IQGAP1: variants seen among roughly 807,000 people sequenced by gnomAD.
IQGAP1 encodes IQ motif containing GTPase activating protein 1.
IQGAP1 carries 66 observed loss-of-function variants against 215.6 expected under a neutral mutation model. That is an observed-to-expected ratio of 0.31 (90% confidence interval 0.25 to 0.38). The LOEUF (loss-of-function observed/expected upper bound fraction) is 0.38, where lower values mean the gene tolerates loss of function less well. IQGAP1 is among the 10% of genes least tolerant of loss of function. The probability of loss-of-function intolerance (pLI) is 1.00; values close to 1 mark genes in which losing one functional copy is unlikely to be tolerated. For synonymous variants in IQGAP1, 772 were observed against 728.7 expected, an observed-to-expected ratio of 1.06 and a Z score of -0.96; for missense variants, 1,712 against 1,997.1, an observed-to-expected ratio of 0.86 and a Z score of 2.72.
rs1965768731 is a variant in IQGAP1 at position 90,461,995 on chromosome 15, A to G, written c.1777-4006A>G. Among the ~76,000 whole-genome samples the G allele has an allele frequency of 2.0e-4, 2 of 10,220 alleles. 1 individual carries two copies. The highest frequency in any genetic ancestry group is 2.9e-3 in the African/African-American group (2 of 678). The allele number at this position is 10,220 out of a possible 152,430, so 6.7% of individuals were successfully genotyped here. A position where few individuals can be genotyped will look rare whatever the true frequency, so the allele number is the denominator to read the frequency against. On this transcript the variant is annotated intron_variant, in intron 15 of 37. Transcript: ENST00000268182. ...TCTACTAAAAACACAAAAAAAAAAA[A>G]AAAAGAAAAAAAAAAAATTAGCCCG... is the stretch of plus-strand genomic sequence containing the variant.
chr15:90,426,405 G>T, intron 3 of IQGAP1, 139 bp downstream of exon 3: 1 of 876,028 alleles, frequency 1.1e-6, no homozygotes, highest in South Asian at 1.9e-5. Flanking sequence ...ATGCCTGGCA[G>T]AATGGAGAAA....
intron 4 of IQGAP1, 101 bp downstream of exon 4, chr15:90,429,767 C>T (rs1442868783): frequency 1.5e-6 from 1 of 668,408 alleles, no homozygotes. Flanking sequence ...TTCTCAGAAT[C>T]TTTGGTGTTT....
At chr15:90,448,767 G>A (rs1268746414) in intron 10 of IQGAP1, 31 bp downstream of exon 10, 2 of 1,494,606 alleles carry the variant, frequency 1.3e-6, no homozygotes, top group African/African-American at 1.4e-5. Context: ...AGCTGCAAGA[G>A]TTTGTATATA....
At chr15:90,420,787 A>T (rs1965122134) in intron 2 of IQGAP1, among the ~76,000 whole-genome samples, 1 of 152,196 alleles carries the variant, frequency 6.6e-6, no homozygotes, top group South Asian at 2.1e-4. Flanking sequence ...CAGTGGTATG[A>T]TCACTGCTCA....
At chr15:90,400,344 T>G (rs753665296) in intron 2 of IQGAP1, among the ~76,000 whole-genome samples, 15 of 152,242 alleles carry the variant, frequency 9.9e-5, no homozygotes, top group African/African-American at 1.4e-4. Context: ...ATTTTTTCCT[T>G]GGTTCTGTTA....
chr15:90,490,902 G>A (rs1000281574), intron 33 of IQGAP1, among the ~76,000 whole-genome samples: 1 of 152,148 alleles, frequency 6.6e-6, no homozygotes, highest in African/African-American at 2.4e-5. Flanking sequence ...TCCACCTCCT[G>A]GGTTCACGCC....
chr15:90,487,602 A>C lies in IQGAP1; in HGVS notation c.4248+20A>C. 1 of 1,535,924 alleles carries C rather than the reference A, an allele frequency of 6.5e-7. No homozygotes were observed. Among genetic ancestry groups the C allele is most frequent in the Non-Finnish European group, 9.0e-7 (1 of 1,109,758 alleles). ...GAACAGGTAAAATTTAGGGTCTAAC[A>C]TACTCCTTTGTTTGGTAGATAAGCT... On this transcript the variant is annotated intron_variant, in intron 33 of 37. Transcript: ENST00000268182.
chr15:90,451,833 CTT>C (rs1000688423), intron 11 of IQGAP1, among the ~76,000 whole-genome samples: 18 of 139,438 alleles, frequency 1.3e-4, no homozygotes, highest in Admixed American at 1.4e-4. Flanking sequence ...TCTGTGTGCC[CTT>C]TTTTTTTTTT....
In IQGAP1 at chr15:90,474,711, C is replaced by T. The variant is rs1555440663; in HGVS notation, c.2784+18C>T. 3.2e-6 allele frequency: 5 copies of T among 1,577,528 alleles called. No homozygotes were observed. The highest frequency in any genetic ancestry group is 4.4e-6 in the Non-Finnish European group (5 of 1,147,290). On this transcript the variant is annotated intron_variant, in intron 23 of 37. Coordinates refer to ENST00000268182, the MANE Select transcript of IQGAP1 (RefSeq NM_003870.4). The stretch of plus-strand genomic sequence containing the variant: ...CGTTGCAGGTATGGCCCAGTGCCAG[C>T]GGGGGCCTTGGAACGGTTCATCCTG...
intron 29 of IQGAP1, 73 bp downstream of exon 29, chr15:90,483,666 A>G: frequency 9.2e-7 from 1 of 1,084,644 alleles, no homozygotes; most frequent in Non-Finnish European, 1.4e-6. Context: ...AAATAAGATT[A>G]AAAACCACCT....
At chr15:90,409,287 G>A (rs1215138653) in intron 2 of IQGAP1, among the ~76,000 whole-genome samples, 1 of 146,680 alleles carries the variant, frequency 6.8e-6, no homozygotes, top group African/African-American at 2.5e-5. Flanking sequence ...ACTCAGGCTG[G>A]AGTGCAGTGG....
At chr15:90,411,598 A>G (rs760449845) in intron 2 of IQGAP1, among the ~76,000 whole-genome samples, 3 of 151,850 alleles carry the variant, frequency 2.0e-5, no homozygotes, top group Non-Finnish European at 2.9e-5. Context: ...TTTGTAGAGG[A>G]CTCTTACCTG....
chr15:90,480,794 G>A (rs577915024), intron 26 of IQGAP1, among the ~76,000 whole-genome samples: 10 of 152,182 alleles, frequency 6.6e-5, no homozygotes, highest in South Asian at 2.1e-4. Flanking sequence ...TCAGCCTCCC[G>A]AATAGCTGGG....
At chr15:90,467,969 G>A (rs1467014473) in intron 18 of IQGAP1, among the ~76,000 whole-genome samples, 1 of 152,062 alleles carries the variant, frequency 6.6e-6, no homozygotes, top group Non-Finnish European at 1.5e-5. Context: ...AATAAAGTTA[G>A]CATTTTCATA....
chr15:90,486,124 C>A lies in IQGAP1; in HGVS notation c.4016C>A (p.Ser1339Tyr). Reference protein sequence around the residue: ...DDLGEVPTIESLIGESSGNLN... With the variant: ...DDLGEVPTIEYLIGESSGNLN... ...CTCGGCGAGGTGCCCACCATCGAGTCCCTGATAGGTAGAGTTCTAACTTTT... is the reference window on the plus strand; with the variant it reads ...CTCGGCGAGGTGCCCACCATCGAGTACCTGATAGGTAGAGTTCTAACTTTT... Residue 1339 changes from serine to tyrosine, a missense_variant, in exon 31 of 38, where the codon TCC becomes TAC. This residue lies in a region of IQGAP1 where 691 missense variants were observed against 923.0 expected (regional missense o/e 0.75). Coordinates refer to ENST00000268182, the MANE Select transcript of IQGAP1 (RefSeq NM_003870.4). 6.2e-7 allele frequency: 1 copy of A among 1,611,884 alleles called. No individual in the cohort carries two copies. The highest frequency in any genetic ancestry group is 8.5e-7 in the Non-Finnish European group (1 of 1,178,366).
At chr15:90,495,245 T>C (rs6496680) in intron 36 of IQGAP1, among the ~76,000 whole-genome samples, 32,909 of 152,078 alleles carry the variant, frequency 0.22, 4,756 homozygotes, top group African/African-American at 0.41. Context: ...GCTTTGCACG[T>C]GGTTCATGGA....
intron 10 of IQGAP1, 26 bp downstream of exon 10, chr15:90,448,762 C>A: frequency 6.6e-7 from 1 of 1,510,588 alleles, no homozygotes; most frequent in Non-Finnish European, 8.9e-7. Context: ...ATTGAAGCTG[C>A]AAGAGTTTGT....
intron 2 of IQGAP1, among the ~76,000 whole-genome samples, chr15:90,413,010 T>A (rs1248003110): frequency 6.6e-6 from 1 of 152,242 alleles, no homozygotes; most frequent in Non-Finnish European, 1.5e-5. Context: ...TTTCTGCATA[T>A]GCTCTTAGTC....
chr15:90,446,904 T>A (rs1415525471), intron 9 of IQGAP1, among the ~76,000 whole-genome samples: 1 of 152,222 alleles, frequency 6.6e-6, no homozygotes, highest in Non-Finnish European at 1.5e-5. Flanking sequence ...TATAAATGTT[T>A]ATAGATATTC....
Sources: allele counts gnomAD v4.1 joint callset (sites outside exome capture counted in the v4.1 genomes callset), GRCh38; gene constraint gnomAD v4.1.1; regional missense constraint gnomAD v4.1.1; transcripts MANE v1.5; gene names NCBI Gene and HGNC (gene_info 2026-07-23, HGNC 2026-07-21).